SYT2: variants seen among roughly 807,000 people sequenced by gnomAD.
SYT2 encodes the protein synaptotagmin 2.
A neutral mutation model predicts 39.9 loss-of-function variants in SYT2; 15 were observed. The observed-to-expected ratio is 0.38, with a 90% CI of 0.25 to 0.58. The LOEUF (loss-of-function observed/expected upper bound fraction) is 0.58. SYT2 is among the 20% of genes least tolerant of loss of function. SYT2 has a pLI of 0.70. For synonymous variants in SYT2, 181 were observed against 204.5 expected (o/e 0.89, Z 0.98); for missense variants, 389 against 530.3 (o/e 0.73, Z 2.62).
chr1:202,622,107 T>A (rs947630339), intron 1 of SYT2, among the ~76,000 whole-genome samples: 1 of 152,242 alleles, frequency 6.6e-6, no homozygotes, highest in Non-Finnish European at 1.5e-5. Flanking sequence ...GGCATTGTAT[T>A]TGCAGAAGCC....
chr1:202,595,180 ACT>A lies in SYT2; in HGVS notation c.*1575_*1576del, dbSNP rs1690243191. The A allele has an allele frequency of 6.6e-6, 1 of 152,372 alleles. No individual in the cohort carries two copies. The highest frequency in any genetic ancestry group is 1.5e-5 in the Non-Finnish European group (1 of 68,136). 9.4% of individuals were successfully genotyped at this position (152,372 alleles called of 1,614,324 possible). On this transcript the variant is annotated 3_prime_UTR_variant, in exon 9 of 9. Coordinates refer to ENST00000367268, the MANE Select transcript of SYT2 (RefSeq NM_177402.5). ...TGGCCTCTGGCCACAAGGGGACCTCACTCTGTTGTCCAGGCTGAAGGATTGGA... is the reference window on the plus strand; with the variant it reads ...TGGCCTCTGGCCACAAGGGGACCTCACTGTTGTCCAGGCTGAAGGATTGGA...
chr1:202,709,485 G>T (rs936070841), intron 1 of SYT2, among the ~76,000 whole-genome samples: 1 of 152,244 alleles, frequency 6.6e-6, no homozygotes, highest in African/African-American at 2.4e-5. Context: ...ATAGGCAGGG[G>T]AAGGGGGCAC....
At chr1:202,704,673 T>TGCACACACACAC (rs1205947675) in intron 1 of SYT2, among the ~76,000 whole-genome samples, 7 of 152,122 alleles carry the variant, frequency 4.6e-5, no homozygotes, top group Admixed American at 1.3e-4. Context: ...TACACACATA[T>TGCACACACACAC]GCACACACAC....
At chr1:202,644,061 C>CAGA (rs1340303089) in intron 1 of SYT2, among the ~76,000 whole-genome samples, 1 of 152,170 alleles carries the variant, frequency 6.6e-6, no homozygotes, top group Non-Finnish European at 1.5e-5. Flanking sequence ...GAACAAAAGG[C>CAGA]AGATGCTGGA....
intron 1 of SYT2, among the ~76,000 whole-genome samples, chr1:202,620,603 T>C (rs1691177801): frequency 1.3e-5 from 2 of 151,726 alleles, no homozygotes; most frequent in South Asian, 2.1e-4. Context: ...CCACCATCTC[T>C]CCCCCTGTTA....
At chr1:202,692,950 G>C (rs759253395) in intron 1 of SYT2, among the ~76,000 whole-genome samples, 2 of 152,140 alleles carry the variant, frequency 1.3e-5, no homozygotes, top group Non-Finnish European at 2.9e-5. Context: ...TAATAAGGCA[G>C]GAGAAGGAGG....
At position 202,596,393 on chromosome 1, in the gene SYT2, G is replaced by A. The variant is rs500569; in HGVS notation, c.*364C>T. The A allele has an allele frequency of 6.1e-4, 124 of 204,930 alleles. No homozygotes were observed. Among genetic ancestry groups the A allele is most frequent in the Middle Eastern group, 5.6e-3 (3 of 534 alleles). The allele number at this position is 204,930 out of a possible 1,614,324, so 12.7% of individuals were successfully genotyped here. A position where few individuals can be genotyped will look rare whatever the true frequency, so the allele number is the denominator to read the frequency against. On this transcript the variant is annotated 3_prime_UTR_variant, in exon 9 of 9. Coordinates refer to ENST00000367268, the MANE Select transcript of SYT2 (RefSeq NM_177402.5). ...AGGAAGCAGGATGTGCTGCCATTTT[G>A]TTGGTCCAGAAGGCTCAAAAAACAG...
At chr1:202,669,868 G>C (rs901880489) in intron 1 of SYT2, among the ~76,000 whole-genome samples, 4 of 152,110 alleles carry the variant, frequency 2.6e-5, no homozygotes. Flanking sequence ...CTACCTGGGA[G>C]CCCTGGCCTT....
rs1268946158 is a variant in SYT2, at chr1:202,596,120, A to T, written c.*637T>A. 6.6e-6 allele frequency: 1 copy of T among 152,150 alleles called. No individual in the cohort carries two copies. The highest frequency in any genetic ancestry group is 1.9e-4 in the East Asian group (1 of 5,184). The allele number at this position is 152,150 out of a possible 1,614,324, so 9.4% of individuals were successfully genotyped here. Reference sequence around the variant, plus strand: ...TGCCATAGATGAGAGAAGATCTCCCACTTAGTGGACTTCTTCATGTCAGGG... The same window carrying T: ...TGCCATAGATGAGAGAAGATCTCCCTCTTAGTGGACTTCTTCATGTCAGGG... On this transcript the variant is annotated 3_prime_UTR_variant, in exon 9 of 9. Transcript: ENST00000367268.
chr1:202,678,273 CAAAAAAAAAAAAAAA>C (rs773123862), intron 1 of SYT2, among the ~76,000 whole-genome samples: 5 of 30,726 alleles, frequency 1.6e-4, no homozygotes, highest in Non-Finnish European at 2.5e-4. Flanking sequence ...GACTCTGTCT[CAAAAAAAAAAAAAAA>C]AAAAAAAAAA....
At position 202,638,192 on chromosome 1, in the gene SYT2, A is replaced by G. The variant is rs561572727; in HGVS notation, c.-17-32403T>C. Among the ~76,000 whole-genome samples, 17 of 152,378 alleles carry G rather than the reference A, an allele frequency of 1.1e-4. 1 individual carries two copies. Among genetic ancestry groups the G allele is most frequent in the Admixed American group, 7.8e-4 (12 of 15,312 alleles). On this transcript the variant is annotated intron_variant, in intron 1 of 8. Coordinates refer to ENST00000367268, the MANE Select transcript of SYT2 (RefSeq NM_177402.5). ...GCCACTGAAGCAGACGGCAGCTGCT[A>G]CAGGGTTCAAGAATTCCATTCCAGC...
intron 1 of SYT2, among the ~76,000 whole-genome samples, chr1:202,701,616 AGT>A (rs1238268742): frequency 2.6e-5 from 4 of 152,214 alleles, no homozygotes; most frequent in African/African-American, 9.7e-5. Context: ...AGACGGGTGC[AGT>A]GTGATACTAT....
intron 8 of SYT2, among the ~76,000 whole-genome samples, chr1:202,598,017 C>T (rs561851295): frequency 2.6e-5 from 4 of 152,308 alleles, no homozygotes; most frequent in Admixed American, 2.0e-4. Flanking sequence ...TTGAAGCTGT[C>T]GTCTCACTGT....
Position 202,631,970 on chromosome 1 carries a change from C to T in SYT2, c.-17-26181G>A, listed in dbSNP as rs180970523. The stretch of plus-strand genomic sequence containing the variant: ...CCTCATTCGCCAGGCCCTGCTGGTT[C>T]GCCAGGCAGTTTGTCCTCAAGGAGA... On this transcript the variant is annotated intron_variant, in intron 1 of 8. Transcript: ENST00000367268. The T allele has an allele frequency of 6.2e-5, 58 of 938,902 alleles. No homozygotes were observed. The African/African-American group carries it at 8.4e-4, about 14-fold the overall frequency. The allele number at this position is 938,902 out of a possible 1,614,324, so 58.2% of individuals were successfully genotyped here.
chr1:202,672,361 G>C (rs933162657), intron 1 of SYT2, among the ~76,000 whole-genome samples: 1 of 152,122 alleles, frequency 6.6e-6, no homozygotes, highest in Non-Finnish European at 1.5e-5. Context: ...CATGGGAAGA[G>C]GATGTAGCCA....
chr1:202,600,732 G>A (rs1342751764), intron 6 of SYT2, among the ~76,000 whole-genome samples: 1 of 152,204 alleles, frequency 6.6e-6, no homozygotes, highest in South Asian at 2.1e-4. Context: ...AGATGAGGGG[G>A]GTAGAGGACA....
chr1:202,629,611 A>C (rs1691514624), intron 1 of SYT2, among the ~76,000 whole-genome samples: 1 of 152,196 alleles, frequency 6.6e-6, no homozygotes, highest in South Asian at 2.1e-4. Flanking sequence ...TGTCCCAGCC[A>C]AAACCTATCC....
At chr1:202,667,859 C>A (rs1249948389) in intron 1 of SYT2, among the ~76,000 whole-genome samples, 2 of 151,906 alleles carry the variant, frequency 1.3e-5, no homozygotes, top group Admixed American at 6.6e-5. Context: ...ATTACAGGCA[C>A]CTGCCACCAC....
intron 1 of SYT2, chr1:202,630,497 G>T (rs1341602478): frequency 6.0e-6 from 4 of 672,004 alleles, no homozygotes; most frequent in Non-Finnish European, 7.4e-6. Flanking sequence ...GGTTTAGGAG[G>T]AGATGGGGTG....
Sources: allele counts gnomAD v4.1 joint callset (sites outside exome capture counted in the v4.1 genomes callset), GRCh38; gene constraint gnomAD v4.1.1; transcripts MANE v1.5; gene names NCBI Gene and HGNC (gene_info 2026-07-23, HGNC 2026-07-21).